PDE4DIP: variants seen among roughly 807,000 people sequenced by gnomAD.
PDE4DIP encodes phosphodiesterase 4D interacting protein.
Under a neutral mutation model 221.4 loss-of-function variants are expected in PDE4DIP, and 59 were observed. That is an observed-to-expected ratio of 0.27 (90% CI 0.22 to 0.33). The LOEUF (loss-of-function observed/expected upper bound fraction) is 0.33. Ranked by LOEUF, PDE4DIP falls within the 10% of genes least tolerant of loss-of-function variation. The pLI, the probability that PDE4DIP is intolerant of heterozygous loss-of-function variation, is 1.00. For synonymous variants in PDE4DIP, 404 were observed against 815.9 expected, an observed-to-expected ratio of 0.50 and a Z score of 8.60; for missense variants, 1,036 against 2,154.2, an observed-to-expected ratio of 0.48 and a Z score of 10.28.
intron 1 of PDE4DIP, among the ~76,000 whole-genome samples, chr1:148,917,273 T>C (rs1287107602): frequency 3.3e-5 from 5 of 151,238 alleles, no homozygotes; most frequent in Non-Finnish European, 7.4e-5. Flanking sequence ...AAGGGTTTAA[T>C]TGGAGATCAG....
intron 37 of PDE4DIP, among the ~76,000 whole-genome samples, chr1:149,022,425 G>T (rs2073293009): frequency 6.6e-6 from 1 of 151,806 alleles, no homozygotes; most frequent in African/African-American, 2.4e-5. Flanking sequence ...AAGAACTCAT[G>T]TATTTTATGT....
At chr1:148,955,413 T>C (rs2055004744) in intron 5 of PDE4DIP, among the ~76,000 whole-genome samples, 2 of 152,072 alleles carry the variant, frequency 1.3e-5, no homozygotes, top group Admixed American at 6.6e-5. Flanking sequence ...GATCTTTTTT[T>C]CTCCGTATTT....
chr1:148,893,107 ATTTTTTTT>A (rs11287659), intron 1 of PDE4DIP, among the ~76,000 whole-genome samples: 269 of 58,070 alleles, frequency 4.6e-3, no homozygotes, highest in Middle Eastern at 0.021. Flanking sequence ...GTGTGTATGT[ATTTTTTTT>A]TTTTTTTTTT....
chr1:148,976,173 T>C (rs587601134), intron 17 of PDE4DIP, among the ~76,000 whole-genome samples: 2 of 151,986 alleles, frequency 1.3e-5, no homozygotes, highest in African/African-American at 4.9e-5. Context: ...TCTGTCCTGT[T>C]TTCAGGATCA....
At chr1:148,951,672 A>G (rs2053301694) in intron 5 of PDE4DIP, among the ~76,000 whole-genome samples, 1 of 152,252 alleles carries the variant, frequency 6.6e-6, no homozygotes, top group Non-Finnish European at 1.5e-5. Flanking sequence ...AAAAAAGCCC[A>G]TTTCTCTTCT....
rs2060488634 is a variant in PDE4DIP at position 148,977,925 on chromosome 1, C to T, written c.2320-12C>T. ...ATGTAAACATGGCAGACATTGTTTC[C>T]TCTTTTCACAGATGGAACTTTCTGC... On this transcript the variant is annotated splice_polypyrimidine_tract_variant and intron_variant, in intron 17 of 43. Transcript: ENST00000369354. The T allele has an allele frequency of 6.2e-7, 1 of 1,610,194 alleles. No homozygotes were observed. The highest frequency in any genetic ancestry group is 1.7e-5 in the Admixed American group (1 of 58,940).
At chr1:148,915,179 T>C (rs2043684986) in intron 1 of PDE4DIP, among the ~76,000 whole-genome samples, 1 of 151,786 alleles carries the variant, frequency 6.6e-6, no homozygotes, top group East Asian at 1.9e-4. Flanking sequence ...ACAGAGTATG[T>C]CCCTGTTGCC....
At chr1:148,981,525 A>G (rs1410353187) in intron 21 of PDE4DIP, 128 bp downstream of exon 24, 15 of 1,150,498 alleles carry the variant, frequency 1.3e-5, no homozygotes, top group Non-Finnish European at 1.9e-5. Context: ...ATTTTGGCAG[A>G]ATTAAACGGT....
chr1:148,984,850 G>A (rs1343575939), intron 21 of PDE4DIP: 2 of 151,992 alleles, frequency 1.3e-5, no homozygotes, highest in Non-Finnish European at 2.9e-5. Context: ...CCATTGATAG[G>A]ATAAACTTGT....
At chr1:149,024,005 A>G (rs1238384093) in intron 37 of PDE4DIP, among the ~76,000 whole-genome samples, 3 of 151,302 alleles carry the variant, frequency 2.0e-5, no homozygotes, top group African/African-American at 7.3e-5. Context: ...AAGGTGCCCA[A>G]CTCACATTCT....
At position 149,012,590 on chromosome 1, in the gene PDE4DIP, G is replaced by C; in HGVS notation, c.5081-1G>C. The C allele has an allele frequency of 6.3e-7, 1 of 1,580,992 alleles. No homozygotes were observed. The highest frequency in any genetic ancestry group is 1.9e-5 in the Admixed American group (1 of 51,602). Reference sequence around the variant, plus strand: ...TTTTCTCCTTAACTTTCTTTTCCTAGGCTTTCATTTTCACTCCATACCCAA... The same window carrying C: ...TTTTCTCCTTAACTTTCTTTTCCTACGCTTTCATTTTCACTCCATACCCAA... On this transcript the variant is annotated splice_acceptor_variant, in intron 31 of 43. Coordinates refer to ENST00000369354, the Ensembl canonical transcript of PDE4DIP. LOFTEE classifies it high-confidence loss of function.
chr1:148,822,584 G>T (rs1446832272), intron 1 of PDE4DIP, among the ~76,000 whole-genome samples: 2 of 150,760 alleles, frequency 1.3e-5, no homozygotes, highest in East Asian at 3.9e-4. Flanking sequence ...TACCAAAAAG[G>T]TTGGAGACCA....
intron 21 of PDE4DIP, among the ~76,000 whole-genome samples, chr1:148,988,125 T>G (rs587698667): frequency 6.6e-6 from 1 of 152,124 alleles, no homozygotes; most frequent in Non-Finnish European, 1.5e-5. Flanking sequence ...GAAACAAGTA[T>G]TCAGAAATGA....
At position 148,953,722 on chromosome 1, in the gene PDE4DIP, A is replaced by T. The variant is rs370361376; in HGVS notation, c.637-6932A>T. On this transcript the variant is annotated intron_variant, in intron 5 of 43. Transcript: ENST00000369354. ...CCCGAGGGAGCAGGCTTCCGATTCC[A>T]GTGAAATCCAGCCTACCTGGAGCCA... is the stretch of plus-strand genomic sequence containing the variant. 12 of 1,414,048 alleles carry T rather than the reference A, an allele frequency of 8.5e-6. No individual in the cohort carries two copies. The African/African-American group carries it at 1.6e-4, about 18-fold the overall frequency. The allele number at this position is 1,414,048 out of a possible 1,614,324, so 87.6% of individuals were successfully genotyped here.
At chr1:148,956,319 T>C (rs1347397468) in intron 5 of PDE4DIP, among the ~76,000 whole-genome samples, 2 of 152,170 alleles carry the variant, frequency 1.3e-5, no homozygotes, top group African/African-American at 4.8e-5. Flanking sequence ...TACCATATTT[T>C]ATGCACTATT....
intron 3 of PDE4DIP, among the ~76,000 whole-genome samples, chr1:148,875,874 C>T (rs1282992350): frequency 2.6e-5 from 4 of 152,270 alleles, no homozygotes; most frequent in African/African-American, 7.2e-5. Context: ...TGCAGTAAGC[C>T]GAGATCGAGC....
intron 21 of PDE4DIP, chr1:148,990,328 G>A (rs2062769113): frequency 1.0e-6 from 1 of 985,258 alleles, no homozygotes; most frequent in South Asian, 4.7e-5. Flanking sequence ...CAAAACCCCT[G>A]TGTGGCAGTG....
At chr1:149,000,167 C>G (rs1189425608) in intron 23 of PDE4DIP, among the ~76,000 whole-genome samples, 1 of 152,194 alleles carries the variant, frequency 6.6e-6, no homozygotes, top group Admixed American at 6.5e-5. Flanking sequence ...GAAATTCAAT[C>G]TAGGTGCATA....
intron 1 of PDE4DIP, among the ~76,000 whole-genome samples, chr1:148,827,200 C>T (rs1425277557): frequency 1.8e-5 from 1 of 56,192 alleles, no homozygotes; most frequent in Non-Finnish European, 3.7e-5. Flanking sequence ...GTAAAGTGTT[C>T]TGCTTAATAG....
Sources: gnomAD v4.1 joint callset for allele counts (sites outside exome capture counted in the v4.1 genomes callset) on GRCh38, gnomAD v4.1.1 for gene constraint, MANE v1.5 for transcripts, NCBI Gene and HGNC (gene_info 2026-07-23, HGNC 2026-07-21) for gene names.